PCDHGA6: variants seen among roughly 807,000 people sequenced by gnomAD.
PCDHGA6 encodes protocadherin gamma subfamily A, 6, also known as protocadherin gamma-A6.
In PCDHGA6, 41 loss-of-function variants were observed where a neutral mutation model predicts 60.6. The observed-to-expected ratio is 0.68, with a 90% CI of 0.53 to 0.88. PCDHGA6 has a LOEUF of 0.88. Ranked by LOEUF, PCDHGA6 falls within the 40% of genes least tolerant of loss-of-function variation. The probability of loss-of-function intolerance (pLI) is 0.00; values close to 1 mark genes in which losing one functional copy is unlikely to be tolerated. For missense variants in PCDHGA6, 1,312 were observed against 1,203.0 expected (o/e 1.09, Z -1.34); for synonymous variants, 594 against 524.4 (o/e 1.13, Z -1.81).
At chr5:141,462,062 A>T (rs957948334) in intron 1 of PCDHGA6, among the ~76,000 whole-genome samples, 3 of 152,168 alleles carry the variant, frequency 2.0e-5, no homozygotes, top group African/African-American at 2.4e-5. Context: ...ACCTCAGGTG[A>T]TCTGCCCGCC....
At chr5:141,458,081 GTAAGT>G (rs2098936973) in intron 1 of PCDHGA6, among the ~76,000 whole-genome samples, 1 of 152,186 alleles carries the variant, frequency 6.6e-6, no homozygotes, top group Non-Finnish European at 1.5e-5. Context: ...CTATATTGCC[GTAAGT>G]TAAGAGTACT....
rs1193620622 is a variant in PCDHGA6, at chr5:141,512,906, G to A, written c.*1733G>A. On this transcript the variant is annotated 3_prime_UTR_variant, in exon 4 of 4. Coordinates refer to ENST00000517434, the MANE Select transcript of PCDHGA6 (RefSeq NM_018919.3). ...CACCCTCTTCCTGTGTCTCACGCAA[G>A]TTTTATACTCTAATATTTATATGGC... 2.0e-5 allele frequency: 3 copies of A among 152,206 alleles called. No homozygotes were observed. Among genetic ancestry groups the A allele is most frequent in the African/African-American group, 7.2e-5 (3 of 41,438 alleles). The allele number at this position is 152,206 out of a possible 1,614,324, so 9.4% of individuals were successfully genotyped here.
At chr5:141,411,982 A>T (rs2154543855) in intron 1 of PCDHGA6, 1 of 152,346 alleles carries the variant, frequency 6.6e-6, no homozygotes, top group East Asian at 1.9e-4. Context: ...AGAGTTCTAT[A>T]CTTGGAAGGC....
intron 2 of PCDHGA6, among the ~76,000 whole-genome samples, chr5:141,496,279 G>C (rs902362885): frequency 1.3e-5 from 2 of 152,198 alleles, no homozygotes; most frequent in Non-Finnish European, 2.9e-5. Context: ...ACCTTCAGTT[G>C]GTCTGAGCAG....
At chr5:141,400,138 A>G (rs1459833287) in intron 1 of PCDHGA6, 4 of 1,614,046 alleles carry the variant, frequency 2.5e-6, no homozygotes, top group Admixed American at 1.7e-5. Context: ...GCTGCCGGAT[A>G]TCACTGACCG....
chr5:141,472,994 AAAAG>A (rs1425445230), intron 1 of PCDHGA6, among the ~76,000 whole-genome samples: 7 of 151,692 alleles, frequency 4.6e-5, no homozygotes, highest in African/African-American at 1.7e-4. Context: ...AAAAAAAAAA[AAAAG>A]AAAGAAAAAG....
chr5:141,390,105 T>C (rs2092048923), intron 1 of PCDHGA6: 4 of 1,614,052 alleles, frequency 2.5e-6, no homozygotes, highest in African/African-American at 1.3e-5. Flanking sequence ...TCCCCCCAAC[T>C]ACAGCGAGGG....
chr5:141,389,111 C>G (rs752785695), intron 1 of PCDHGA6: 8 of 1,614,008 alleles, frequency 5.0e-6, no homozygotes, highest in Non-Finnish European at 6.8e-6. Flanking sequence ...CTGTTCTAGA[C>G]CGCGAGCAGA....
rs751563833 is a variant in PCDHGA6 at position 141,421,382 on chromosome 5, A to T, written c.2424+44875A>T. 5.6e-6 allele frequency: 9 copies of T among 1,613,906 alleles called. No homozygotes were observed. The South Asian group carries it at 8.8e-5, about 16-fold the overall frequency. ...TCCTTCGTGGGCAATATCTCCAAGG[A>T]CCTGGGGCTGGAGCCCCGGGAGCTG... On this transcript the variant is annotated intron_variant, in intron 1 of 3. Transcript: ENST00000517434.
intron 1 of PCDHGA6, chr5:141,398,582 T>A: frequency 6.2e-7 from 1 of 1,614,000 alleles, no homozygotes. Context: ...GGCACAAGAT[T>A]TATACTAGAA....
chr5:141,375,903 G>A lies in PCDHGA6; in HGVS notation c.1820G>A (p.Arg607His), dbSNP rs535123838. ...GGCCAGAACGCCTGGCTGTCCTACC[G>A]CCTGCTCAAGGCCAGCGAGCCAGGA... The part of the protein sequence containing the change: ...DSGQNAWLSY[R>H]LLKASEPGLF... Residue 607 changes from arginine (R) to histidine (H), a missense_variant, in exon 1 of 4, where the codon CGC becomes CAC. By Grantham distance (29) the Arg-to-His change is conservative. Transcript: ENST00000517434. 54 of 1,613,696 alleles carry A rather than the reference G, an allele frequency of 3.3e-5. No individual in the cohort carries two copies. In the South Asian group the frequency reaches 5.6e-4, roughly 17 times the overall value.
chr5:141,399,356 A>G, intron 1 of PCDHGA6: 1 of 1,614,010 alleles, frequency 6.2e-7, no homozygotes, highest in Non-Finnish European at 8.5e-7. Flanking sequence ...GACCGAGAGC[A>G]AACCCCGGAG....
At chr5:141,384,528 C>T in intron 1 of PCDHGA6, 2 of 1,614,254 alleles carry the variant, frequency 1.2e-6, no homozygotes, top group Non-Finnish European at 1.7e-6. Context: ...CGCCTCTCAG[C>T]AGCAACATGT....
Position 141,413,600 on chromosome 5 carries a change from T to A in PCDHGA6, c.2424+37093T>A, listed in dbSNP as rs767830855. ...GCTCCAAAATTCCAAGCAGAAAATC[T>A]AGACGTAAAAATTAATGAAAATGTC... On this transcript the variant is annotated intron_variant, in intron 1 of 3. Transcript: ENST00000517434. 2.4e-5 allele frequency: 39 copies of A among 1,613,750 alleles called. No homozygotes were observed. Among genetic ancestry groups the A allele is most frequent in the Non-Finnish European group, 3.3e-5 (39 of 1,179,908 alleles).
chr5:141,437,741 CTTT>C (rs35124340), intron 1 of PCDHGA6, among the ~76,000 whole-genome samples: 1 of 141,708 alleles, frequency 7.1e-6, no homozygotes. Context: ...TTGAGTTCAC[CTTT>C]TTTTTTTTTT....
intron 1 of PCDHGA6, chr5:141,415,056 G>A (rs1367441891): frequency 1.2e-6 from 2 of 1,613,416 alleles, no homozygotes; most frequent in East Asian, 2.2e-5. Context: ...GGGAGCACAC[G>A]GGCGAGGTGC....
Position 141,394,937 on chromosome 5 carries a change from C to T in PCDHGA6, c.2424+18430C>T, listed in dbSNP as rs1224179687. 4.3e-6 allele frequency: 7 copies of T among 1,613,688 alleles called. No individual in the cohort carries two copies. In the East Asian group the frequency reaches 8.9e-5, roughly 21 times the overall value. ...TCTCCTGTGTCTTCCTCGCCTTTGT[C>T]GCTGTGCTTCTGGGGCTCAGGCTGA... On this transcript the variant is annotated intron_variant, in intron 1 of 3. Transcript: ENST00000517434.
intron 1 of PCDHGA6, chr5:141,390,085 A>C (rs1253804368): frequency 2.5e-6 from 4 of 1,613,916 alleles, no homozygotes. Flanking sequence ...GTTAAATCCG[A>C]ATCCGTGGTT....
At chr5:141,400,087 G>A (rs751908680) in intron 1 of PCDHGA6, 3 of 1,614,042 alleles carry the variant, frequency 1.9e-6, no homozygotes, top group Non-Finnish European at 2.5e-6. Flanking sequence ...CTCCGCCACC[G>A]CCACGCTGCA....
Sources: gnomAD v4.1 joint callset for allele counts (sites outside exome capture counted in the v4.1 genomes callset) on GRCh38, gnomAD v4.1.1 for gene constraint, MANE v1.5 for transcripts, NCBI Gene and HGNC (gene_info 2026-07-23, HGNC 2026-07-21) for gene names.